PLOD1: variants seen among roughly 807,000 people sequenced by gnomAD.
PLOD1 encodes the protein procollagen-lysine,2-oxoglutarate 5-dioxygenase 1.
PLOD1 carries 70 observed loss-of-function variants against 94.7 expected under a neutral mutation model. The ratio of observed to expected loss-of-function variants is 0.74; its 90% CI spans 0.61 to 0.90. PLOD1 has a LOEUF of 0.90. PLOD1 is among the 40% of genes least tolerant of loss of function. The pLI, the probability that PLOD1 is intolerant of heterozygous loss-of-function variation, is 0.00. For missense variants in PLOD1, 905 were observed against 972.7 expected, an observed-to-expected ratio of 0.93 and a Z score of 0.93; for synonymous variants, 417 against 400.2, an observed-to-expected ratio of 1.04 and a Z score of -0.50.
rs879902079 is a variant in PLOD1, at chr1:11,958,565, C to T, written c.893C>T (p.Thr298Met). 1.9e-5 allele frequency: 31 copies of T among 1,613,964 alleles called. No homozygotes were observed. The highest frequency in any genetic ancestry group is 5.3e-5 in the African/African-American group (4 of 74,916). ...GTCGGCGTGTTCATCGAACAGCCCA[C>T]GCCGTTTGTGTCCCTGTTCTTCCAG... ...VLVGVFIEQPTPFVSLFFQRL... is the reference protein window; with the variant it reads ...VLVGVFIEQPMPFVSLFFQRL... Residue 298 changes from threonine to methionine, a missense_variant, in exon 9 of 19, where the codon ACG (threonine) becomes ATG (methionine). Transcript: ENST00000196061. This position sits in a 1 kb window ranked among gnomAD's most constrained non-coding sequence, Gnocchi z 4.3.
intron 1 of PLOD1, among the ~76,000 whole-genome samples, chr1:11,947,585 A>T (rs1334881221): frequency 6.6e-6 from 1 of 152,090 alleles, no homozygotes; most frequent in Non-Finnish European, 1.5e-5. Context: ...AATAAAAACC[A>T]ACCAGCTCTC....
intron 1 of PLOD1, among the ~76,000 whole-genome samples, chr1:11,940,366 C>A (rs1385099829): frequency 6.6e-6 from 1 of 152,098 alleles, no homozygotes; most frequent in Non-Finnish European, 1.5e-5. Context: ...TTATTCCTGA[C>A]CCCCAGGGCA....
At chr1:11,973,698 G>GC (rs111819346) in intron 18 of PLOD1, among the ~76,000 whole-genome samples, 1,955 of 151,484 alleles carry the variant, frequency 0.013, 41 homozygotes, top group African/African-American at 0.044. Flanking sequence ...TCCCACCTCA[G>GC]CCCCCCCAAG....
intron 16 of PLOD1, among the ~76,000 whole-genome samples, chr1:11,970,137 G>C (rs1247736254): frequency 6.6e-6 from 1 of 151,386 alleles, no homozygotes; most frequent in African/African-American, 2.4e-5. Context: ...TGTAATCCCA[G>C]CTACTCGGGA....
chr1:11,941,117 C>T (rs1645612064), intron 1 of PLOD1, among the ~76,000 whole-genome samples: 1 of 152,244 alleles, frequency 6.6e-6, no homozygotes, highest in Non-Finnish European at 1.5e-5. Flanking sequence ...AAAAATATCA[C>T]CTTCCTCGTA....
intron 2 of PLOD1, among the ~76,000 whole-genome samples, chr1:11,949,418 A>G (rs996356866): frequency 1.3e-5 from 2 of 151,758 alleles, no homozygotes; most frequent in Non-Finnish European, 2.9e-5. Context: ...CAAAAAAATT[A>G]TTTCTTTTTC....
Position 11,958,462 on chromosome 1 carries a change from G to A in PLOD1, c.844-54G>A. 6.2e-7 allele frequency: 1 copy of A among 1,602,388 alleles called. No homozygotes were observed. Among genetic ancestry groups the A allele is most frequent in the Non-Finnish European group, 8.5e-7 (1 of 1,173,430 alleles). On this transcript the variant is annotated intron_variant, in intron 8 of 18. Coordinates refer to ENST00000196061, the MANE Select transcript of PLOD1 (RefSeq NM_000302.4). The surrounding 1 kb of genome is among the most constrained non-coding windows in gnomAD (Gnocchi z 4.3). ...CCCTTGGGCCACCCTGGGGTGGAGT[G>A]GCAGTGCTGTGACTGGACACTGCTG...
chr1:11,936,884 G>A (rs564855570), intron 1 of PLOD1, among the ~76,000 whole-genome samples: 40 of 142,444 alleles, frequency 2.8e-4, no homozygotes, highest in Admixed American at 9.4e-4. Flanking sequence ...TTTCACTCCC[G>A]TTGCCCAGGC....
intron 4 of PLOD1, among the ~76,000 whole-genome samples, chr1:11,950,907 C>T (rs116213094): frequency 2.6e-5 from 4 of 152,214 alleles, no homozygotes; most frequent in Non-Finnish European, 1.5e-5. Context: ...AATCCTCCTG[C>T]CTCAGCCATC....
chr1:11,949,440 G>GA (rs1352016508), intron 2 of PLOD1, among the ~76,000 whole-genome samples: 2 of 152,102 alleles, frequency 1.3e-5, no homozygotes, highest in East Asian at 3.9e-4. Flanking sequence ...CTTTTTTTGA[G>GA]ACGGAGTGTT....
chr1:11,968,993 G>A (rs939111176), intron 16 of PLOD1, among the ~76,000 whole-genome samples: 1 of 151,334 alleles, frequency 6.6e-6, no homozygotes, highest in Admixed American at 6.6e-5. Flanking sequence ...AAGTAGCTGG[G>A]ATTACAGGTG....
At chr1:11,970,643 C>T (rs1334182847) in intron 16 of PLOD1, 27 bp from the exon 17 acceptor site, 2 of 1,612,072 alleles carry the variant, frequency 1.2e-6, no homozygotes, top group South Asian at 1.1e-5. Flanking sequence ...AGAATTCTGC[C>T]TAAACATTCA....
At chr1:11,935,154 GGCCAGGCATCAGTTAGGCATGA>G (rs1398795571) in intron 1 of PLOD1, among the ~76,000 whole-genome samples, 12 of 152,210 alleles carry the variant, frequency 7.9e-5, no homozygotes, top group Non-Finnish European at 1.6e-4. Context: ...GCTCACTATG[GGCCAGGCATCAGTTAGGCATGA>G]TTGCTACCCT....
intron 4 of PLOD1, 91 bp downstream of exon 4, chr1:11,950,611 G>T: frequency 8.7e-7 from 1 of 1,154,766 alleles, no homozygotes; most frequent in African/African-American, 1.5e-5. Context: ...TGCAATCTGG[G>T]TGTCTCACAG....
chr1:11,939,974 G>A (rs970629440), intron 1 of PLOD1, among the ~76,000 whole-genome samples: 1 of 151,920 alleles, frequency 6.6e-6, no homozygotes, highest in African/African-American at 2.4e-5. Context: ...GTGTTGCCCC[G>A]GCTGGTCTTG....
intron 2 of PLOD1, among the ~76,000 whole-genome samples, chr1:11,948,446 CATG>C (rs922219394): frequency 3.3e-5 from 5 of 152,102 alleles, no homozygotes; most frequent in African/African-American, 1.2e-4. Flanking sequence ...TCTAAAGAAA[CATG>C]AGTGGTCCCG....
At position 11,972,029 on chromosome 1, in the gene PLOD1, G is replaced by GC. The variant is rs148384156; in HGVS notation, c.1903-843_1903-842insC. On this transcript the variant is annotated intron_variant, in intron 17 of 18. Transcript: ENST00000196061. The surrounding 1 kb of genome is among the most constrained non-coding windows in gnomAD (Gnocchi z 4.6). The stretch of plus-strand genomic sequence containing the variant: ...GCTTTCTCCAAGGTACTTTCTCCAA[G>GC]ACTCAGTTCCTTCCTTGGTCTCTGG... 1.1e-4 allele frequency: 4 copies of GC among 36,890 alleles called. No homozygotes were observed. The highest frequency in any genetic ancestry group is 6.5e-4 in the African/African-American group (4 of 6,156). The allele number at this position is 36,890 out of a possible 1,614,324, so 2.3% of individuals were successfully genotyped here.
intron 16 of PLOD1, among the ~76,000 whole-genome samples, chr1:11,969,339 C>A (rs755155813): frequency 1.3e-5 from 2 of 152,112 alleles, no homozygotes; most frequent in Non-Finnish European, 2.9e-5. Flanking sequence ...TTTAAGGCAC[C>A]GTTTTTAAAG....
intron 1 of PLOD1, among the ~76,000 whole-genome samples, chr1:11,939,522 A>T (rs546022792): frequency 6.6e-6 from 1 of 152,238 alleles, no homozygotes; most frequent in African/African-American, 2.4e-5. Flanking sequence ...CAGTCAAACC[A>T]GGGGTGCCCA....
Sources: gnomAD v4.1 joint callset for allele counts (sites outside exome capture counted in the v4.1 genomes callset) on GRCh38, gnomAD v4.1.1 for gene constraint, Gnocchi (gnomAD v3.1) non-coding constraint, MANE v1.5 for transcripts, NCBI Gene and HGNC (gene_info 2026-07-23, HGNC 2026-07-21) for gene names.